Variants in NEB observed in about 807,000 individuals in gnomAD.
NEB encodes nemaline myopathy type 2.
A neutral mutation model predicts 952.2 loss-of-function variants in NEB; 512 were observed. The ratio of observed to expected loss-of-function variants is 0.54; its 90% CI spans 0.50 to 0.58. The LOEUF (loss-of-function observed/expected upper bound fraction) is 0.58, where lower values mean the gene tolerates loss of function less well. NEB is among the 20% of genes least tolerant of loss of function. The pLI is 0.00. For synonymous variants in NEB, 2,900 were observed against 3,149.8 expected, an observed-to-expected ratio of 0.92 and a Z score of 2.66; for missense variants, 8,428 against 9,231.1, an observed-to-expected ratio of 0.91 and a Z score of 3.56.
intron 155 of NEB, among the ~76,000 whole-genome samples, chr2:151,518,720 G>A (rs2079756550): frequency 6.6e-6 from 1 of 152,158 alleles, no homozygotes; most frequent in Non-Finnish European, 1.5e-5. Context: ...AAAAGGGAAT[G>A]GTTAATTGGA....
At position 151,570,553 on chromosome 2, in the gene NEB, G is replaced by A. The variant is rs1274931478; in HGVS notation, c.17062C>T (p.Arg5688Trp). The A allele has an allele frequency of 3.7e-5, 59 of 1,609,410 alleles. No homozygotes were observed. Among genetic ancestry groups the A allele is most frequent in the Middle Eastern group, 1.7e-4 (1 of 6,056 alleles). The change falls in exon 108 of 182, where the codon CGG becomes TGG. Residue 5688 changes from arginine to tryptophan, a missense_variant. This residue lies in a region of NEB where 3,374 missense variants were observed against 3,651.5 expected (regional missense o/e 0.92). Transcript: ENST00000397345. ...GCCTGGATGGGGATGGCATCCAGCC[G>A]GACATCACAGCCCGCCTTCATTTCA... ...WDEMKAGCDV[R>W]LDAIPIQAAK...
rs201767727 is a variant in NEB, at chr2:151,512,812, A to G, written c.23267T>C (p.Met7756Thr). The change falls in exon 161 of 182, where the codon ATG (methionine) becomes ACG (threonine). Residue 7756 changes from methionine to threonine, a missense_variant. By Grantham distance (81) the Met-to-Thr change is moderately conservative. Coordinates refer to ENST00000397345, the MANE Select transcript of NEB (RefSeq NM_001164508.2). ...SQIKYKQSAE[M>T]EKANFTSVVD... ...CACAGAAGTGAAATTGGCTTTCTCC[A>G]TTTCTGCTGATTGCTTATACTTAAT... The G allele has an allele frequency of 1.4e-3, 2,322 of 1,612,576 alleles. 5 individuals are homozygous for G. Among genetic ancestry groups the G allele is most frequent in the Middle Eastern group, 4.5e-3 (27 of 6,058 alleles).
chr2:151,524,653 GCTTT>G (rs2084336860), intron 151 of NEB, 37 bp from the exon 152 acceptor site: 6 of 515,198 alleles, frequency 1.2e-5, no homozygotes, highest in Admixed American at 3.1e-5. Context: ...CAAGAGAGAG[GCTTT>G]TTTTTTTTTT....
intron 29 of NEB, among the ~76,000 whole-genome samples, chr2:151,681,966 G>A (rs1396915000): frequency 6.6e-6 from 1 of 152,158 alleles, no homozygotes; most frequent in African/African-American, 2.4e-5. Flanking sequence ...AATGTGGTGT[G>A]TATTATGCTG....
In NEB at chr2:151,671,147, T is replaced by C; in HGVS notation, c.4382A>G (p.Lys1461Arg). The C allele has an allele frequency of 6.2e-7, 1 of 1,614,026 alleles. No individual in the cohort carries two copies. The highest frequency in any genetic ancestry group is 1.1e-5 in the South Asian group (1 of 91,078). Residue 1461 changes from lysine to arginine, a missense_variant, in exon 38 of 182, where the codon AAG becomes AGG. Lys to Arg is a conservative substitution (Grantham distance 26, BLOSUM62 2). Coordinates refer to ENST00000397345, the MANE Select transcript of NEB (RefSeq NM_001164508.2). Reference protein sequence around the residue: ...PIGSLEVEKVKKAGDALNERK... With the variant: ...PIGSLEVEKVRKAGDALNERK... ...CTCATTTAATGCATCGCCTGCTTTC[T>C]TGACCTTCTCCACCTCCAGGGAACC...
In NEB at chr2:151,551,819, G is replaced by A; in HGVS notation, c.19863C>T (p.His6621=). The A allele has an allele frequency of 1.2e-6, 2 of 1,612,976 alleles. No individual in the cohort carries two copies. Among genetic ancestry groups the A allele is most frequent in the Non-Finnish European group, 1.7e-6 (2 of 1,179,256 alleles). Residue 6621 remains histidine (H), a synonymous_variant, in exon 129 of 182, where the codon CAC becomes CAT. Coordinates refer to ENST00000397345, the MANE Select transcript of NEB (RefSeq NM_001164508.2). The part of the protein sequence containing the change: ...SDAVYHYDYV[H]SVRGKVAPTT... ...TTGGAGCCACTTTGCCTCTGACACT[G>A]TGCACATAGTCATAGTGGTAGACAG... is the stretch of plus-strand genomic sequence containing the variant.
chr2:151,578,518 G>A (rs557256600), intron 105 of NEB, among the ~76,000 whole-genome samples: 70 of 151,622 alleles, frequency 4.6e-4, no homozygotes, highest in African/African-American at 1.5e-3. Flanking sequence ...AAAATCAGCC[G>A]ACTGTGGTGG....
chr2:151,643,150 A>G lies in NEB; in HGVS notation c.8160T>C (p.His2720=). The change falls in exon 58 of 182, where the codon CAT becomes CAC. Residue 2720 remains histidine, a splice_region_variant and synonymous_variant. Coordinates refer to ENST00000397345, the MANE Select transcript of NEB (RefSeq NM_001164508.2). ...LAKNNAITMN[H]RLYTEAWDKD... The stretch of plus-strand genomic sequence containing the variant: ...CTCCTCAAACAAACATAGGACTTAC[A>G]TGATTCATGGTAATAGCATTGTTTT... 1.2e-6 allele frequency: 2 copies of G among 1,609,778 alleles called. No individual in the cohort carries two copies. Among genetic ancestry groups the G allele is most frequent in the Non-Finnish European group, 1.7e-6 (2 of 1,176,630 alleles).
At chr2:151,682,794 A>C in intron 28 of NEB, 25 bp from the exon 29 acceptor site, 4 of 1,570,856 alleles carry the variant, frequency 2.5e-6, no homozygotes, top group African/African-American at 1.3e-5. Context: ...GAAAGGTTAC[A>C]TTTCTTTGCT....
intron 3 of NEB, 63 bp from the exon 4 acceptor site, chr2:151,729,719 T>A: frequency 6.5e-7 from 1 of 1,540,344 alleles, no homozygotes; most frequent in Non-Finnish European, 9.0e-7. Flanking sequence ...CTCCTCTGCC[T>A]CAGCTGAACC....
At position 151,610,803 on chromosome 2, in the gene NEB, C is replaced by T. The variant is rs1240287737; in HGVS notation, c.11869G>A (p.Asp3957Asn). 1 of 1,607,910 alleles carries T rather than the reference C, an allele frequency of 6.2e-7. No individual in the cohort carries two copies. The highest frequency in any genetic ancestry group is 8.5e-7 in the Non-Finnish European group (1 of 1,176,832). The change falls in exon 79 of 182, where the codon GAT becomes AAT. Residue 3957 changes from aspartate to asparagine, a missense_variant. By Grantham distance (23) the Asp-to-Asn change is conservative (BLOSUM62 1). Coordinates refer to ENST00000397345, the MANE Select transcript of NEB (RefSeq NM_001164508.2). ...TSIHVMPDTPDILLAKSNSAN... is the reference protein window; with the variant it reads ...TSIHVMPDTPNILLAKSNSAN... Reference sequence around the variant, plus strand: ...GAATTACTCTTGGCCAGCAGGATATCTGGGGTGTCTGGCATCACGTGGATG... The same window carrying T: ...GAATTACTCTTGGCCAGCAGGATATTTGGGGTGTCTGGCATCACGTGGATG...
chr2:151,672,687 A>G lies in NEB; in HGVS notation c.3988-7T>C, dbSNP rs763661605. The G allele has an allele frequency of 1.1e-5, 17 of 1,605,586 alleles. No homozygotes were observed. Among genetic ancestry groups the G allele is most frequent in the Admixed American group, 1.7e-5 (1 of 59,378 alleles). ...AAGCTTCCTTGTATTTATACTGTGG[A>G]GGCAGAATTGGGTTAGCAAAGTCCT... On this transcript the variant is annotated splice_polypyrimidine_tract_variant and splice_region_variant and intron_variant, in intron 36 of 181. Transcript: ENST00000397345.
chr2:151,509,371 CTTTTA>C (rs939004521), intron 161 of NEB, among the ~76,000 whole-genome samples: 3 of 152,126 alleles, frequency 2.0e-5, no homozygotes, highest in Admixed American at 6.6e-5. Context: ...AACAATCGTC[CTTTTA>C]TTTTATTTTT....
At position 151,724,379 on chromosome 2, in the gene NEB, C is replaced by A; in HGVS notation, c.508-15G>T. ...TTGTATAAAACCTAGACAGAAGGAG[C>A]AGAGGATCTGTGGCTTGAGGTCTCA... On this transcript the variant is annotated splice_polypyrimidine_tract_variant and intron_variant, in intron 7 of 181. Transcript: ENST00000397345. 1 of 1,587,008 alleles carries A rather than the reference C, an allele frequency of 6.3e-7. No individual in the cohort carries two copies. The highest frequency in any genetic ancestry group is 8.6e-7 in the Non-Finnish European group (1 of 1,160,306).
At chr2:151,535,836 A>G (rs1314657113) in intron 141 of NEB, 41 bp from the exon 142 acceptor site, 1 of 1,107,010 alleles carries the variant, frequency 9.0e-7, no homozygotes, top group East Asian at 2.5e-5. Context: ...GCAGGCTATG[A>G]TTATCTTAAG....
In NEB at chr2:151,614,419, C is replaced by T. The variant is rs746738114; in HGVS notation, c.11458G>A (p.Asp3820Asn). Residue 3820 changes from aspartate to asparagine, a missense_variant, in exon 77 of 182, where the codon GAC (aspartate) becomes AAC (asparagine). Physicochemically the swap from Asp to Asn is conservative, Grantham distance 23. Transcript: ENST00000397345. ...TTGGCCAGCACCACCCCCAGCATGTCCACTGGGCTGCTGAACTTGGTCTTC... is the reference window on the plus strand; with the variant it reads ...TTGGCCAGCACCACCCCCAGCATGTTCACTGGGCTGCTGAACTTGGTCTTC... The part of the protein sequence containing the change: ...KWKTKFSSPV[D>N]MLGVVLAKKC... 6.2e-7 allele frequency: 1 copy of T among 1,613,892 alleles called. No homozygotes were observed. The highest frequency in any genetic ancestry group is 8.5e-7 in the Non-Finnish European group (1 of 1,179,864).
At chr2:151,539,502 A>G (rs2093720968) in intron 138 of NEB, among the ~76,000 whole-genome samples, 1 of 152,110 alleles carries the variant, frequency 6.6e-6, no homozygotes, top group African/African-American at 2.4e-5. Flanking sequence ...TCCTAGAGCT[A>G]TGTTGCTAAG....
Position 151,631,197 on chromosome 2 carries a change from C to T in NEB, c.9564G>A (p.Val3188=). 1 of 1,613,918 alleles carries T rather than the reference C, an allele frequency of 6.2e-7. No homozygotes were observed. The highest frequency in any genetic ancestry group is 8.5e-7 in the Non-Finnish European group (1 of 1,179,864). ...QPPDKLKFTS[V]TDSLEQVLAK... The stretch of plus-strand genomic sequence containing the variant: ...CCAGCACCTGCTCTAGAGAATCAGT[C>T]ACACTGGTAAATTTCAGCTTGTCCG... Residue 3188 remains valine (V), a synonymous_variant, in exon 66 of 182, where the codon GTG becomes GTA. Coordinates refer to ENST00000397345, the MANE Select transcript of NEB (RefSeq NM_001164508.2).
chr2:151,690,971 GTCTCTC>G (rs141120434), intron 23 of NEB, 146 bp from the exon 24 acceptor site: 23 of 597,780 alleles, frequency 3.8e-5, no homozygotes, highest in Non-Finnish European at 6.6e-5. Flanking sequence ...TTCTCTGTCT[GTCTCTC>G]TCTCTCTCTC....
Sources: allele counts gnomAD v4.1 joint callset (sites outside exome capture counted in the v4.1 genomes callset), GRCh38; gene constraint gnomAD v4.1.1; regional missense constraint gnomAD v4.1.1; transcripts MANE v1.5; gene names NCBI Gene and HGNC (gene_info 2026-07-23, HGNC 2026-07-21).